Variants in RNF10 observed in about 807,000 individuals in gnomAD.
RNF10 encodes ring finger protein 10, also known as E3 ubiquitin-protein ligase RNF10.
RNF10 carries 38 observed loss-of-function variants against 91.4 expected under a neutral mutation model. The observed-to-expected ratio is 0.42, with a 90% CI of 0.32 to 0.54. The LOEUF (loss-of-function observed/expected upper bound fraction) is 0.54. RNF10 is among the 20% of genes least tolerant of loss of function. The pLI is 0.16. For synonymous variants in RNF10, 364 were observed against 366.3 expected, an observed-to-expected ratio of 0.99 and a Z score of 0.07; for missense variants, 945 against 1,012.0, an observed-to-expected ratio of 0.93 and a Z score of 0.90.
intron 14 of RNF10, among the ~76,000 whole-genome samples, chr12:120,572,299 C>G (rs1189326003): frequency 1.3e-5 from 2 of 152,142 alleles, no homozygotes; most frequent in African/African-American, 4.8e-5. Context: ...ATCTCCTGAC[C>G]TCGTGATCCG....
At chr12:120,573,267 CAG>C (rs1876930438) in intron 14 of RNF10, among the ~76,000 whole-genome samples, 2 of 152,238 alleles carry the variant, frequency 1.3e-5, no homozygotes. Context: ...ATTTTCAACT[CAG>C]GGCAGAATCC....
chr12:120,557,846 A>G (rs192344779), intron 6 of RNF10, among the ~76,000 whole-genome samples, 164 bp downstream of exon 6: 150 of 152,330 alleles, frequency 9.8e-4, no homozygotes, highest in African/African-American at 3.3e-3. Flanking sequence ...TAGAGAGTAG[A>G]TTAATTATTG....
intron 2 of RNF10, among the ~76,000 whole-genome samples, chr12:120,548,883 G>A (rs577697268): frequency 2.6e-5 from 4 of 152,002 alleles, no homozygotes; most frequent in African/African-American, 7.2e-5. Flanking sequence ...TGTTAGCCAC[G>A]GTGGTCTCGA....
chr12:120,564,061 G>T, intron 10 of RNF10, 118 bp downstream of exon 10: 1 of 1,143,570 alleles, frequency 8.7e-7, no homozygotes. Context: ...TGTATTTTTA[G>T]TCTTTCTGTC....
intron 1 of RNF10, among the ~76,000 whole-genome samples, chr12:120,545,229 G>A (rs1036542946): frequency 2.6e-5 from 4 of 152,088 alleles, no homozygotes; most frequent in Admixed American, 2.6e-4. Flanking sequence ...CACCCAGGCT[G>A]GAGTGCAGTG....
At chr12:120,545,651 C>T (rs1311999801) in intron 1 of RNF10, among the ~76,000 whole-genome samples, 2 of 152,106 alleles carry the variant, frequency 1.3e-5, no homozygotes, top group African/African-American at 4.8e-5. Context: ...AGTTCTCCTG[C>T]CTCAGCCTCC....
intron 1 of RNF10, among the ~76,000 whole-genome samples, chr12:120,545,179 A>ATTTTTAT (rs749704155): frequency 2.6e-5 from 4 of 152,022 alleles, no homozygotes; most frequent in Non-Finnish European, 5.9e-5. Flanking sequence ...AACAAGAAAC[A>ATTTTTAT]TTTTTATTTT....
intron 2 of RNF10, among the ~76,000 whole-genome samples, chr12:120,550,732 G>A (rs1313841372): frequency 6.6e-6 from 1 of 151,426 alleles, no homozygotes; most frequent in Non-Finnish European, 1.5e-5. Context: ...GAGTAGCTGG[G>A]ACTATAGGTG....
intron 4 of RNF10, 84 bp from the exon 5 acceptor site, chr12:120,557,198 A>G (rs1019668190): frequency 8.5e-7 from 1 of 1,183,168 alleles, no homozygotes; most frequent in Non-Finnish European, 1.2e-6. Context: ...AGAGATGCGG[A>G]TGAGAGAGTA....
At chr12:120,563,983 A>C (rs369639764) in intron 10 of RNF10, 40 bp downstream of exon 10, 69 of 1,612,716 alleles carry the variant, frequency 4.3e-5, no homozygotes, top group Non-Finnish European at 5.6e-5. Context: ...AGGCAGCAGT[A>C]TTAACCTAAT....
intron 2 of RNF10, among the ~76,000 whole-genome samples, chr12:120,547,064 C>T (rs991877665): frequency 9.9e-5 from 15 of 151,664 alleles, no homozygotes; most frequent in East Asian, 3.9e-4. Context: ...TTTGTAGTTG[C>T]GAAATTGGGA....
rs1174061958 is a variant in RNF10, at chr12:120,562,267, C to CTTTT, written c.1129-675_1129-674insTTTT. ...CGATATTTGGTTTTTCTTTTTCTTT[C>CTTTT]TTTCTTTTTTTTTTTTTTTTTTTTG... On this transcript the variant is annotated intron_variant, in intron 7 of 16. Transcript: ENST00000325954. 6.2e-3 allele frequency among the ~76,000 whole-genome samples: 634 copies of CTTTT among 102,056 alleles called. 6 individuals are homozygous for CTTTT. The highest frequency in any genetic ancestry group is 9.3e-3 in the Non-Finnish European group (461 of 49,598). 67.0% of individuals were successfully genotyped at this position (102,056 alleles called of 152,430 possible). A position where few individuals can be genotyped will look rare whatever the true frequency, so the allele number is the denominator to read the frequency against.
chr12:120,551,747 A>G (rs1873124510), intron 2 of RNF10, among the ~76,000 whole-genome samples: 1 of 152,148 alleles, frequency 6.6e-6, no homozygotes, highest in Non-Finnish European at 1.5e-5. Flanking sequence ...GCCCCTCTTC[A>G]GCCTCCTGAG....
In RNF10 at chr12:120,534,521, G is replaced by A. The variant is rs1239309830; in HGVS notation, c.-291G>A. On this transcript the variant is annotated 5_prime_UTR_variant, in exon 1 of 17. Transcript: ENST00000325954. ...CGGCCGGCCGGCCGGCGGGGCTCGC[G>A]CAACCTCCCTCGCCTCCCCTTCCCC... 5 of 336,060 alleles carry A rather than the reference G, an allele frequency of 1.5e-5. No individual in the cohort carries two copies. The East Asian group carries it at 4.1e-4, about 28-fold the overall frequency. The allele number at this position is 336,060 out of a possible 1,614,324, so 20.8% of individuals were successfully genotyped here.
At chr12:120,566,677 G>T (rs983801195) in intron 12 of RNF10, 148 bp from the exon 13 acceptor site, 1 of 706,736 alleles carries the variant, frequency 1.4e-6, no homozygotes, top group South Asian at 1.8e-5. Flanking sequence ...TGGGAGGATC[G>T]CTTGAGCCTG....
intron 4 of RNF10, among the ~76,000 whole-genome samples, chr12:120,556,447 C>T (rs1186623053): frequency 5.2e-5 from 7 of 135,462 alleles, no homozygotes; most frequent in African/African-American, 1.1e-4. Flanking sequence ...AGGAGAATGG[C>T]GTGAACCCGG....
chr12:120,547,483 T>C (rs937549300), intron 2 of RNF10, among the ~76,000 whole-genome samples: 4 of 151,822 alleles, frequency 2.6e-5, no homozygotes, highest in South Asian at 4.2e-4. Flanking sequence ...TTTTAGAGAG[T>C]GGATCTTACT....
chr12:120,548,852 A>C (rs562510494), intron 2 of RNF10, among the ~76,000 whole-genome samples: 1 of 151,686 alleles, frequency 6.6e-6, no homozygotes, highest in South Asian at 2.1e-4. Flanking sequence ...TTGTATTTTT[A>C]GTAGAGACGG....
rs1875209940 is a variant in RNF10, at chr12:120,563,437, G to T, written c.1345G>T (p.Val449Leu). ...TTCTAGACCTCTTGCTCTCCCTCTGGTAGAAGAGGAGGAAGCAGTGTCTGA... is the reference window on the plus strand; with the variant it reads ...TTCTAGACCTCTTGCTCTCCCTCTGTTAGAAGAGGAGGAAGCAGTGTCTGA... ...TPSRPLALPL[V>L]EEEEAVSEPE... The change falls in exon 9 of 17, where the codon GTA becomes TTA. Residue 449 changes from valine (V) to leucine (L), a missense_variant. Val to Leu is a conservative substitution (Grantham distance 32). Transcript: ENST00000325954. The T allele has an allele frequency of 3.1e-6, 5 of 1,614,114 alleles. No homozygotes were observed. The highest frequency in any genetic ancestry group is 3.4e-6 in the Non-Finnish European group (4 of 1,180,014).
Sources: allele counts gnomAD v4.1 joint callset (sites outside exome capture counted in the v4.1 genomes callset), GRCh38; gene constraint gnomAD v4.1.1; transcripts MANE v1.5; gene names NCBI Gene and HGNC (gene_info 2026-07-23, HGNC 2026-07-21).